Variants in ELMOD3 observed in about 807,000 individuals in gnomAD.
ELMOD3 encodes the protein ELMO domain containing 3, also known as ELMO domain-containing protein 3.
ELMOD3 carries 36 observed loss-of-function variants against 47.4 expected under a neutral mutation model. The ratio of observed to expected loss-of-function variants is 0.76; its 90% CI spans 0.58 to 1.00. The LOEUF (loss-of-function observed/expected upper bound fraction) is 1.00. Ranked by LOEUF, ELMOD3 falls within the 50% of genes least tolerant of loss-of-function variation. The pLI is 0.00. For missense variants in ELMOD3, 404 were observed against 463.8 expected (o/e 0.87, Z 1.18); for synonymous variants, 149 against 183.5 (o/e 0.81, Z 1.52).
At chr2:85,374,877 AAG>A (rs1266044450) in intron 10 of ELMOD3, among the ~76,000 whole-genome samples, 3 of 152,054 alleles carry the variant, frequency 2.0e-5, no homozygotes, top group Admixed American at 6.5e-5. Flanking sequence ...TTGGGAGGCC[AAG>A]GCGGGTGGAC....
chr2:85,371,201 T>C lies in ELMOD3; in HGVS notation c.476T>C (p.Ile159Thr), dbSNP rs201692835. 5 of 1,614,252 alleles carry C rather than the reference T, an allele frequency of 3.1e-6. No homozygotes were observed. Among genetic ancestry groups the C allele is most frequent in the East Asian group, 2.2e-5 (1 of 44,890 alleles). The part of the protein sequence containing the change: ...LREERDLVLT[I>T]AQCGLDSQDP... ...GAAGAAAGGGACTTGGTCCTGACCATTGCTCAGTGTGAGTGCAATGCGAGC... is the reference window on the plus strand; with the variant it reads ...GAAGAAAGGGACTTGGTCCTGACCACTGCTCAGTGTGAGTGCAATGCGAGC... Residue 159 changes from isoleucine to threonine, a missense_variant, in exon 9 of 14, where the codon ATT (isoleucine) becomes ACT (threonine). Ile to Thr is a moderately conservative substitution (Grantham distance 89). Transcript: ENST00000409013.
intron 8 of ELMOD3, 55 bp from the exon 9 acceptor site, chr2:85,371,031 T>C (rs568894262): frequency 3.8e-6 from 6 of 1,585,062 alleles, no homozygotes; most frequent in African/African-American, 1.3e-5. Flanking sequence ...TGATGGGAAG[T>C]TGATTAAGGG....
At chr2:85,382,497 C>T (rs1270158074) in intron 11 of ELMOD3, among the ~76,000 whole-genome samples, 1 of 147,594 alleles carries the variant, frequency 6.8e-6, no homozygotes, top group Non-Finnish European at 1.5e-5. Context: ...GGAGTTAAAG[C>T]CCTGTAACTC....
Position 85,362,206 on chromosome 2 carries a change from A to G in ELMOD3, c.75A>G (p.Gly25=), listed in dbSNP as rs774830388. ...RDGQGERLSA[G]YSPSYDKDKS... ...TACAGGGTGAAAGATTGTCTGCTGGATATTCTCCATCATATGACAAGGACA... is the reference window on the plus strand; with the variant it reads ...TACAGGGTGAAAGATTGTCTGCTGGGTATTCTCCATCATATGACAAGGACA... Residue 25 remains glycine, a synonymous_variant, in exon 5 of 14, where the codon GGA becomes GGG. Transcript: ENST00000409013. The G allele has an allele frequency of 1.9e-6, 3 of 1,603,126 alleles. No homozygotes were observed. Among genetic ancestry groups the G allele is most frequent in the Non-Finnish European group, 1.7e-6 (2 of 1,170,124 alleles).
At chr2:85,354,877 G>T in intron 1 of ELMOD3, 48 bp downstream of exon 1, 1 of 183,620 alleles carries the variant, frequency 5.4e-6, no homozygotes, top group Non-Finnish European at 1.2e-5. Flanking sequence ...GTGCCTGTGC[G>T]GAGCTAGCAG....
chr2:85,380,523 T>G (rs370881079), intron 11 of ELMOD3, among the ~76,000 whole-genome samples: 11 of 152,268 alleles, frequency 7.2e-5, no homozygotes, highest in South Asian at 6.2e-4. Flanking sequence ...AGATGATGAT[T>G]ATTATTTATT....
At chr2:85,364,860 C>G (rs1296296413) in intron 6 of ELMOD3, among the ~76,000 whole-genome samples, 1 of 104,568 alleles carries the variant, frequency 9.6e-6, no homozygotes, top group Non-Finnish European at 1.7e-5. Flanking sequence ...TTTCCAGAGA[C>G]AGGGTCTCAC....
At chr2:85,384,961 A>G (rs966412010) in intron 11 of ELMOD3, among the ~76,000 whole-genome samples, 1 of 152,218 alleles carries the variant, frequency 6.6e-6, no homozygotes, top group Non-Finnish European at 1.5e-5. Flanking sequence ...TCAATATATC[A>G]ATACATTATA....
chr2:85,373,830 C>G (rs1297983934), intron 10 of ELMOD3, among the ~76,000 whole-genome samples: 2 of 139,302 alleles, frequency 1.4e-5, no homozygotes, highest in Non-Finnish European at 3.1e-5. Context: ...CAGAGTAAGA[C>G]TTCGTCTCAG....
At chr2:85,370,794 G>A (rs1043644875) in intron 8 of ELMOD3, among the ~76,000 whole-genome samples, 23 of 152,220 alleles carry the variant, frequency 1.5e-4, no homozygotes, top group African/African-American at 5.1e-4. Context: ...GTGGGAGTCA[G>A]TGGAATACCT....
chr2:85,386,096 G>A (rs1558718544), intron 11 of ELMOD3, among the ~76,000 whole-genome samples: 1 of 152,152 alleles, frequency 6.6e-6, no homozygotes, highest in Non-Finnish European at 1.5e-5. Context: ...CCACTCAGTT[G>A]GAATCTTCAG....
chr2:85,387,050 C>T, intron 11 of ELMOD3: 2 of 1,285,450 alleles, frequency 1.6e-6, no homozygotes, highest in Non-Finnish European at 2.0e-6. Flanking sequence ...TTCAGGTCCT[C>T]TGTTAATAAT....
At chr2:85,359,142 A>G (rs1240594532) in intron 4 of ELMOD3, among the ~76,000 whole-genome samples, 1 of 152,220 alleles carries the variant, frequency 6.6e-6, no homozygotes, top group African/African-American at 2.4e-5. Flanking sequence ...TCCCTATTAT[A>G]AACAGTATGA....
intron 11 of ELMOD3, chr2:85,387,064 G>A (rs1157048626): frequency 1.5e-6 from 2 of 1,296,698 alleles, no homozygotes; most frequent in Admixed American, 2.4e-5. Context: ...TAATAATGTT[G>A]TTACCATACT....
chr2:85,363,664 A>G (rs910019185), intron 6 of ELMOD3, among the ~76,000 whole-genome samples: 2 of 152,218 alleles, frequency 1.3e-5, no homozygotes, highest in Non-Finnish European at 2.9e-5. Flanking sequence ...GGTTTAATGG[A>G]CTTACATTTC....
chr2:85,381,480 G>C (rs1164685165), intron 11 of ELMOD3, among the ~76,000 whole-genome samples: 1 of 152,052 alleles, frequency 6.6e-6, no homozygotes, highest in African/African-American at 2.4e-5. Flanking sequence ...TTTTAATCTT[G>C]ACCATAAGAT....
chr2:85,371,714 G>C, intron 10 of ELMOD3, 152 bp downstream of exon 10: 2 of 1,145,264 alleles, frequency 1.7e-6, no homozygotes, highest in Non-Finnish European at 1.2e-6. Context: ...AGCCCTGAGG[G>C]GGCGCCTGCT....
At chr2:85,366,694 T>C (rs1684411429) in intron 6 of ELMOD3, among the ~76,000 whole-genome samples, 2 of 152,228 alleles carry the variant, frequency 1.3e-5, no homozygotes, top group African/African-American at 4.8e-5. Flanking sequence ...CTCTCAAGTG[T>C]GCTTTCAGTA....
At chr2:85,371,031 T>G in intron 8 of ELMOD3, 55 bp from the exon 9 acceptor site, 3 of 1,585,062 alleles carry the variant, frequency 1.9e-6, no homozygotes, top group Non-Finnish European at 2.6e-6. Context: ...TGATGGGAAG[T>G]TGATTAAGGG....
Sources: gnomAD v4.1 joint callset for allele counts (sites outside exome capture counted in the v4.1 genomes callset) on GRCh38, gnomAD v4.1.1 for gene constraint, MANE v1.5 for transcripts, NCBI Gene and HGNC (gene_info 2026-07-23, HGNC 2026-07-21) for gene names.